P3H2: variants seen among roughly 807,000 people sequenced by gnomAD.
The protein encoded by P3H2 is prolyl 3-hydroxylase 2, also known as leprecan-like 1.
Under a neutral mutation model 87.0 loss-of-function variants are expected in P3H2, and 80 were observed. The ratio of observed to expected loss-of-function variants is 0.92; its 90% CI spans 0.77 to 1.11. P3H2 has a LOEUF of 1.11. Ranked by LOEUF, P3H2 falls within the 50% of genes least tolerant of loss-of-function variation. The pLI is 0.00. For missense variants in P3H2, 1,001 were observed against 923.9 expected, an observed-to-expected ratio of 1.08 and a Z score of -1.08; for synonymous variants, 367 against 359.3, an observed-to-expected ratio of 1.02 and a Z score of -0.24.
intron 1 of P3H2, among the ~76,000 whole-genome samples, chr3:190,054,383 G>A (rs1404752153): frequency 6.6e-6 from 1 of 152,052 alleles, no homozygotes; most frequent in Non-Finnish European, 1.5e-5. Context: ...GCCGACGTCA[G>A]TAGTGACATC....
At chr3:189,974,875 G>A (rs750917936) in intron 8 of P3H2, among the ~76,000 whole-genome samples, 190 bp from the exon 9 acceptor site, 7 of 152,132 alleles carry the variant, frequency 4.6e-5, no homozygotes, top group Non-Finnish European at 8.8e-5. Context: ...GATGTCTATC[G>A]GGTTTCCTCA....
intron 1 of P3H2, among the ~76,000 whole-genome samples, chr3:190,114,380 G>A (rs977456671): frequency 5.3e-5 from 8 of 151,650 alleles, no homozygotes; most frequent in Non-Finnish European, 1.2e-4. Context: ...TAGAGACGGG[G>A]TTTCACCGTG....
intron 1 of P3H2, among the ~76,000 whole-genome samples, chr3:190,100,630 A>G (rs1437836080): frequency 1.3e-5 from 2 of 152,182 alleles, no homozygotes; most frequent in African/African-American, 4.8e-5. Context: ...AATTAAAACT[A>G]GAGCCACACT....
intron 1 of P3H2, among the ~76,000 whole-genome samples, chr3:190,119,260 G>C (rs1355851598): frequency 7.5e-6 from 1 of 133,230 alleles, no homozygotes; most frequent in East Asian, 2.4e-4. Flanking sequence ...AGAGCAGCCT[G>C]GTCCATTGGC....
intron 14 of P3H2, among the ~76,000 whole-genome samples, chr3:189,958,476 T>A (rs1722706071): frequency 6.6e-6 from 1 of 152,100 alleles, no homozygotes; most frequent in African/African-American, 2.4e-5. Flanking sequence ...CTCAATGCAC[T>A]ATTGTTGCCG....
At chr3:189,978,731 G>A (rs1014158611) in intron 8 of P3H2, among the ~76,000 whole-genome samples, 4 of 151,232 alleles carry the variant, frequency 2.6e-5, no homozygotes, top group African/African-American at 7.3e-5. Context: ...CATTCAACAG[G>A]CAAGTCAACC....
chr3:190,105,723 T>C (rs1001830924), intron 1 of P3H2, among the ~76,000 whole-genome samples: 1 of 152,224 alleles, frequency 6.6e-6, no homozygotes, highest in Non-Finnish European at 1.5e-5. Context: ...AGGTAGACTG[T>C]TGGCTTGCTG....
chr3:189,974,730 C>G, intron 8 of P3H2, 45 bp from the exon 9 acceptor site: 3 of 1,613,038 alleles, frequency 1.9e-6, no homozygotes, highest in Non-Finnish European at 1.7e-6. Context: ...CTCTGTCCCC[C>G]GAAAGGAAGC....
At chr3:189,960,452 G>T (rs1318747175) in intron 14 of P3H2, among the ~76,000 whole-genome samples, 1 of 152,154 alleles carries the variant, frequency 6.6e-6, no homozygotes, top group Admixed American at 6.5e-5. Context: ...TATTTTCTTT[G>T]ATGAGTAAAT....
At chr3:189,995,034 A>C (rs1724006535) in intron 2 of P3H2, among the ~76,000 whole-genome samples, 1 of 151,870 alleles carries the variant, frequency 6.6e-6, no homozygotes. Flanking sequence ...GTTAATTTTT[A>C]TTTTCTCTTA....
intron 1 of P3H2, among the ~76,000 whole-genome samples, chr3:190,069,761 A>C (rs1726632688): frequency 6.6e-6 from 1 of 152,188 alleles, no homozygotes; most frequent in African/African-American, 2.4e-5. Context: ...TGAAAGTGAA[A>C]TAGTGCTAAC....
At chr3:189,969,931 G>A (rs778529200) in intron 13 of P3H2, 72 of 763,262 alleles carry the variant, frequency 9.4e-5, no homozygotes, top group Non-Finnish European at 1.3e-4. Context: ...GCCAAAGAGC[G>A]GCAGCAGTCG....
At chr3:190,119,124 A>AGAGAGGAGAG (rs1157266773) in intron 1 of P3H2, among the ~76,000 whole-genome samples, 1 of 93,462 alleles carries the variant, frequency 1.1e-5, no homozygotes, top group African/African-American at 4.1e-5. Flanking sequence ...AAGAAAAGGA[A>AGAGAGGAGAG]GAGAGGAGAG....
rs1183214839 is a variant in P3H2 at position 190,114,046 on chromosome 3, C to T, written c.480+6206G>A. On this transcript the variant is annotated intron_variant, in intron 1 of 14. Transcript: ENST00000319332. ...AGTGAGCCGAGATGTCGCCACCACACTCCAGCCTGGGCGACAGAGTGAGAC... is the reference window on the plus strand; with the variant it reads ...AGTGAGCCGAGATGTCGCCACCACATTCCAGCCTGGGCGACAGAGTGAGAC... Among the ~76,000 whole-genome samples the T allele has an allele frequency of 1.6e-5, 2 of 124,252 alleles. 1 individual carries two copies. The highest frequency in any genetic ancestry group is 3.4e-5 in the Non-Finnish European group (2 of 59,384). 81.5% of individuals were successfully genotyped at this position (124,252 alleles called of 152,430 possible). A position where few individuals can be genotyped will look rare whatever the true frequency, so the allele number is the denominator to read the frequency against.
chr3:190,003,617 G>C (rs1202402732), intron 1 of P3H2, among the ~76,000 whole-genome samples: 1 of 152,156 alleles, frequency 6.6e-6, no homozygotes, highest in African/African-American at 2.4e-5. Flanking sequence ...GCCAAAATTT[G>C]AATGGCTGCT....
At position 189,983,103 on chromosome 3, in the gene P3H2, G is replaced by GAACTTC; in HGVS notation, c.1261_1266dup (p.Glu421_Val422dup). 1 of 1,613,860 alleles carries GAACTTC rather than the reference G, an allele frequency of 6.2e-7. No homozygotes were observed. Among genetic ancestry groups the GAACTTC allele is most frequent in the Admixed American group, 1.7e-5 (1 of 59,994 alleles). Reference sequence around the variant, plus strand: ...AGCTTTTTTCCCATTGAGAATCCATGAACTTCTGCTCCCTCTACGTTCACT... The same window carrying GAACTTC: ...AGCTTTTTTCCCATTGAGAATCCATGAACTTCAACTTCTGCTCCCTCTACGTTCACT... On this transcript the variant is annotated inframe_insertion, in exon 8 of 15. Transcript: ENST00000319332.
chr3:189,968,161 T>A (rs1442548347), intron 13 of P3H2, among the ~76,000 whole-genome samples: 1 of 152,200 alleles, frequency 6.6e-6, no homozygotes, highest in South Asian at 2.1e-4. Context: ...ATGTGCAGAA[T>A]GTGCAGGTTT....
At chr3:190,074,200 A>C (rs1726794083) in intron 1 of P3H2, among the ~76,000 whole-genome samples, 1 of 152,144 alleles carries the variant, frequency 6.6e-6, no homozygotes, top group Non-Finnish European at 1.5e-5. Context: ...AAAAATTGTG[A>C]ATTTAAATCT....
At chr3:189,984,410 G>A in intron 7 of P3H2, 140 bp downstream of exon 7, 1 of 671,592 alleles carries the variant, frequency 1.5e-6, no homozygotes, top group Non-Finnish European at 2.6e-6. Flanking sequence ...GGACCTGGAT[G>A]TAGAGCTCCT....
Sources: gnomAD v4.1 joint callset for allele counts (sites outside exome capture counted in the v4.1 genomes callset) on GRCh38, gnomAD v4.1.1 for gene constraint, MANE v1.5 for transcripts, NCBI Gene and HGNC (gene_info 2026-07-23, HGNC 2026-07-21) for gene names.